ZNF407: variants seen among roughly 807,000 people sequenced by gnomAD.
ZNF407 encodes zinc finger protein 407.
In ZNF407, 17 loss-of-function variants were observed where a neutral mutation model predicts 131.2. The ratio of observed to expected loss-of-function variants is 0.13; its 90% CI spans 0.09 to 0.19. ZNF407 has a LOEUF of 0.19. Among genes scored for constraint, ZNF407 ranks in the 10% least tolerant of loss-of-function variants. The probability of loss-of-function intolerance (pLI) is 1.00; values close to 1 mark genes in which losing one functional copy is unlikely to be tolerated. For missense variants in ZNF407, 2,681 were observed against 2,830.6 expected, an observed-to-expected ratio of 0.95 and a Z score of 1.20; for synonymous variants, 1,156 against 1,062.0, an observed-to-expected ratio of 1.09 and a Z score of -1.72.
chr18:74,626,498 CAT>C lies in ZNF407; in HGVS notation c.-53-4468_-53-4467del, dbSNP rs1310890994. Among the ~76,000 whole-genome samples, 4 of 152,278 alleles carry C rather than the reference CAT, an allele frequency of 2.6e-5. No homozygotes were observed. The East Asian group carries it at 5.8e-4, about 22-fold the overall frequency. ...GTATTGAGGTCACTGGTGTGTATGT[CAT>C]GTGACTCCCGCAGAATATTATCTCA... On this transcript the variant is annotated intron_variant, in intron 1 of 8. Transcript: ENST00000299687.
chr18:74,674,424 A>G (rs1986273448), intron 3 of ZNF407, among the ~76,000 whole-genome samples: 1 of 152,082 alleles, frequency 6.6e-6, no homozygotes, highest in Non-Finnish European at 1.5e-5. Flanking sequence ...ATATTAACAC[A>G]TTACCAAATA....
chr18:74,895,098 AT>A lies in ZNF407; in HGVS notation c.5249+5064del, dbSNP rs538250657. ...CCTCATATTGAAGATTTACCTCGTCATTTTGCTAAATTTGTTGGAAATACAC... is the reference window on the plus strand; with the variant it reads ...CCTCATATTGAAGATTTACCTCGTCATTTGCTAAATTTGTTGGAAATACAC... On this transcript the variant is annotated intron_variant, in intron 7 of 8. Coordinates refer to ENST00000299687, the MANE Select transcript of ZNF407 (RefSeq NM_017757.3). 2.6e-5 allele frequency among the ~76,000 whole-genome samples: 4 copies of A among 151,780 alleles called. No individual in the cohort carries two copies. The South Asian group carries it at 8.3e-4, about 32-fold the overall frequency.
chr18:74,905,625 C>T (rs949265353), intron 7 of ZNF407: 12 of 152,112 alleles, frequency 7.9e-5, no homozygotes, highest in South Asian at 2.1e-4. Context: ...CACTTTTTAT[C>T]GCATAATAAA....
intron 4 of ZNF407, among the ~76,000 whole-genome samples, chr18:74,844,531 G>A (rs1970676645): frequency 6.6e-6 from 1 of 152,048 alleles, no homozygotes; most frequent in Non-Finnish European, 1.5e-5. Flanking sequence ...TTTTTAAATA[G>A]TAAGTTAAAT....
At chr18:74,774,004 A>C (rs182074340) in intron 3 of ZNF407, among the ~76,000 whole-genome samples, 114 of 152,364 alleles carry the variant, frequency 7.5e-4, no homozygotes, top group African/African-American at 2.6e-3. Flanking sequence ...TGTACTAGAA[A>C]ATAAGGAAGA....
rs189281929 is a variant in ZNF407 at position 74,938,533 on chromosome 18, T to C, written c.5428+17841T>C. 3.1e-3 allele frequency among the ~76,000 whole-genome samples: 465 copies of C among 152,352 alleles called. 6 individuals carry two copies. Among genetic ancestry groups the C allele is most frequent in the Non-Finnish European group, 1.9e-3 (131 of 68,018 alleles). ...CCTCCAACCATTTTTTAAAATTTTA[T>C]CCATTTACTCGTGTACCACTTCGTT... On this transcript the variant is annotated intron_variant, in intron 8 of 8. Transcript: ENST00000299687.
intron 4 of ZNF407, among the ~76,000 whole-genome samples, chr18:74,785,821 T>G (rs1454625307): frequency 6.7e-6 from 1 of 149,298 alleles, no homozygotes; most frequent in African/African-American, 2.4e-5. Context: ...GTACATGGCA[T>G]GCACATGTCA....
chr18:74,846,595 C>T (rs1212002657), intron 4 of ZNF407, among the ~76,000 whole-genome samples: 1 of 151,856 alleles, frequency 6.6e-6, no homozygotes. Flanking sequence ...CCTTGGCCTC[C>T]CAAAGTGCTG....
At chr18:74,970,873 G>C (rs1002366886) in intron 8 of ZNF407, among the ~76,000 whole-genome samples, 1 of 152,240 alleles carries the variant, frequency 6.6e-6, no homozygotes, top group African/African-American at 2.4e-5. Context: ...TGCCCTAGCA[G>C]AGGCTCTCCA....
At chr18:74,836,228 T>A (rs1403122592) in intron 4 of ZNF407, among the ~76,000 whole-genome samples, 1 of 152,200 alleles carries the variant, frequency 6.6e-6, no homozygotes, top group African/African-American at 2.4e-5. Context: ...TGGCCACTCC[T>A]CAGCATCTCA....
At chr18:74,709,848 A>G (rs1276723155) in intron 3 of ZNF407, among the ~76,000 whole-genome samples, 3 of 152,224 alleles carry the variant, frequency 2.0e-5, no homozygotes, top group Admixed American at 1.3e-4. Context: ...AACAAGCATC[A>G]TGTGTTTCCT....
Position 75,045,697 on chromosome 18 carries a change from C to T in ZNF407, c.5429-17453C>T, listed in dbSNP as rs200662039. ...TTGTTCTCTGTTATAATACTTGTCA[C>T]CCCGCACCCTCTTCTTTTTAAAAAA... On this transcript the variant is annotated intron_variant, in intron 8 of 8. Transcript: ENST00000299687. Among the ~76,000 whole-genome samples the T allele has an allele frequency of 6.6e-5, 10 of 152,298 alleles. No individual in the cohort carries two copies. The East Asian group carries it at 1.7e-3, about 26-fold the overall frequency.
At position 74,634,681 on chromosome 18, in the gene ZNF407, A is replaced by C; in HGVS notation, c.3662A>C (p.Asn1221Thr). Reference protein sequence around the residue: ...ETAKKNHEISNDAGELRVHCE... With the variant: ...ETAKKNHEISTDAGELRVHCE... Reference sequence around the variant, plus strand: ...GCAAAGAAAAACCATGAGATATCGAATGATGCAGGTGAGCTGCGTGTCCAT... The same window carrying C: ...GCAAAGAAAAACCATGAGATATCGACTGATGCAGGTGAGCTGCGTGTCCAT... The change falls in exon 2 of 9, where the codon AAT becomes ACT. Residue 1221 changes from asparagine to threonine, a missense_variant. Coordinates refer to ENST00000299687, the MANE Select transcript of ZNF407 (RefSeq NM_017757.3). 6.2e-7 allele frequency: 1 copy of C among 1,614,042 alleles called. No individual in the cohort carries two copies. The highest frequency in any genetic ancestry group is 8.5e-7 in the Non-Finnish European group (1 of 1,179,902).
chr18:74,862,185 T>A (rs1341579058), intron 4 of ZNF407, among the ~76,000 whole-genome samples: 1 of 152,228 alleles, frequency 6.6e-6, no homozygotes, highest in African/African-American at 2.4e-5. Context: ...AAATAATGGA[T>A]GGAAACATTG....
At chr18:74,989,672 T>C (rs1972695311) in intron 8 of ZNF407, among the ~76,000 whole-genome samples, 1 of 151,878 alleles carries the variant, frequency 6.6e-6, no homozygotes, top group Non-Finnish European at 1.5e-5. Context: ...CGAGACCCCA[T>C]CTCTACTAAA....
In ZNF407 at chr18:74,962,761, C is replaced by T. The variant is rs148095876; in HGVS notation, c.5428+42069C>T. 7.4e-3 allele frequency among the ~76,000 whole-genome samples: 1,122 copies of T among 152,370 alleles called. 5 individuals are homozygous for T. The highest frequency in any genetic ancestry group is 0.017 in the Middle Eastern group (5 of 294). ...GAAACCCTTCTGAGTGGACACAGTG[C>T]CCTACCTACCTCCCTTCAGCACTTA... On this transcript the variant is annotated intron_variant, in intron 8 of 8. Transcript: ENST00000299687.
At chr18:74,794,519 G>C (rs556437587) in intron 4 of ZNF407, among the ~76,000 whole-genome samples, 1 of 151,868 alleles carries the variant, frequency 6.6e-6, no homozygotes, top group South Asian at 2.1e-4. Flanking sequence ...AATATCATTG[G>C]CTTACTTTAT....
In ZNF407 at chr18:74,601,438, T is replaced by C. The variant is rs556456522; in HGVS notation, c.-54+3501T>C. The stretch of plus-strand genomic sequence containing the variant: ...GTCTCTTGGCATGATGTCTTACTCA[T>C]AGAAGGGGGTGTTAGGCCATTCTTG... On this transcript the variant is annotated intron_variant, in intron 1 of 8. Coordinates refer to ENST00000299687, the MANE Select transcript of ZNF407 (RefSeq NM_017757.3). 2.6e-5 allele frequency among the ~76,000 whole-genome samples: 4 copies of C among 151,948 alleles called. No homozygotes were observed. The South Asian group carries it at 8.3e-4, about 32-fold the overall frequency.
At chr18:74,612,126 A>G (rs1287599324) in intron 1 of ZNF407, among the ~76,000 whole-genome samples, 1 of 152,230 alleles carries the variant, frequency 6.6e-6, no homozygotes, top group Non-Finnish European at 1.5e-5. Flanking sequence ...TCAAGGGGGA[A>G]AAAAGCTACT....
Sources: allele counts gnomAD v4.1 joint callset (sites outside exome capture counted in the v4.1 genomes callset), GRCh38; gene constraint gnomAD v4.1.1; transcripts MANE v1.5; gene names NCBI Gene and HGNC (gene_info 2026-07-23, HGNC 2026-07-21).